The following NDC1 variants were observed in gnomAD, a reference collection of about 807,000 sequenced individuals.
The protein encoded by NDC1 is NDC1 transmembrane nucleoporin.
In NDC1, 24 loss-of-function variants were observed where a neutral mutation model predicts 89.8. The observed-to-expected ratio is 0.27, with a 90% confidence interval of 0.19 to 0.38. The LOEUF (loss-of-function observed/expected upper bound fraction) is 0.38, where lower values mean the gene tolerates loss of function less well. NDC1 is among the 10% of genes least tolerant of loss of function. The probability of loss-of-function intolerance (pLI) is 1.00; values close to 1 mark genes in which losing one functional copy is unlikely to be tolerated. For synonymous variants in NDC1, 296 were observed against 284.8 expected, an observed-to-expected ratio of 1.04 and a Z score of -0.39; for missense variants, 728 against 797.6, an observed-to-expected ratio of 0.91 and a Z score of 1.05.
intron 16 of NDC1, among the ~76,000 whole-genome samples, chr1:53,779,629 G>A (rs2100627557): frequency 6.6e-6 from 1 of 152,192 alleles, no homozygotes; most frequent in South Asian, 2.1e-4. Context: ...GAAGGACTTG[G>A]GGTCCAAAAC....
chr1:53,800,912 G>C (rs1229170505), intron 10 of NDC1, 64 bp from the exon 11 acceptor site: 1 of 1,463,690 alleles, frequency 6.8e-7, no homozygotes, highest in African/African-American at 1.4e-5. Flanking sequence ...TTGAAGTGGG[G>C]GAAAAAGTCA....
chr1:53,809,317 G>C (rs984168099), intron 7 of NDC1, among the ~76,000 whole-genome samples: 3 of 152,172 alleles, frequency 2.0e-5, no homozygotes, highest in African/African-American at 7.2e-5. Context: ...GGTGAGTGGA[G>C]ACAGAGGAGG....
intron 7 of NDC1, among the ~76,000 whole-genome samples, chr1:53,809,146 C>T (rs1379483465): frequency 6.6e-6 from 1 of 152,084 alleles, no homozygotes; most frequent in Non-Finnish European, 1.5e-5. Context: ...TAGAATAATG[C>T]CACAGCATTG....
intron 10 of NDC1, among the ~76,000 whole-genome samples, chr1:53,801,540 T>C (rs946932823): frequency 6.6e-6 from 1 of 152,232 alleles, no homozygotes; most frequent in Non-Finnish European, 1.5e-5. Context: ...TATGCGTTAA[T>C]AGCAGAGAAG....
intron 9 of NDC1, among the ~76,000 whole-genome samples, chr1:53,806,091 A>C (rs1419824666): frequency 6.6e-6 from 1 of 152,134 alleles, no homozygotes; most frequent in East Asian, 1.9e-4. Context: ...AAAAATCAAT[A>C]ATATTTTGTT....
chr1:53,804,021 A>C lies in NDC1; in HGVS notation c.985-12T>G. The C allele has an allele frequency of 6.3e-7, 1 of 1,592,980 alleles. No homozygotes were observed. Among genetic ancestry groups the C allele is most frequent in the Non-Finnish European group, 8.6e-7 (1 of 1,162,226 alleles). On this transcript the variant is annotated splice_polypyrimidine_tract_variant and intron_variant, in intron 9 of 17. Transcript: ENST00000371429. ...TGCAAGGCTAAATACTAACAGGGGG[A>C]AAAAACACATATTATTTAATTTTTT... is the stretch of plus-strand genomic sequence containing the variant.
At chr1:53,838,124 C>T (rs1165141731) in intron 1 of NDC1, 81 bp downstream of exon 1, 2 of 1,358,340 alleles carry the variant, frequency 1.5e-6, no homozygotes, top group Admixed American at 2.1e-5. Flanking sequence ...GGCCCTCCCC[C>T]GCCCAGCGCG....
At chr1:53,778,260 TACACACACACAC>T (rs202023880) in intron 16 of NDC1, among the ~76,000 whole-genome samples, 18 of 144,782 alleles carry the variant, frequency 1.2e-4, no homozygotes, top group South Asian at 1.1e-3. Flanking sequence ...TGTGTGTATA[TACACACACACAC>T]ACACACACAC....
chr1:53,779,576 C>T (rs558614063), intron 16 of NDC1, among the ~76,000 whole-genome samples: 3 of 152,272 alleles, frequency 2.0e-5, no homozygotes, highest in Admixed American at 1.3e-4. Context: ...AAATGCAAAA[C>T]TCTGCCAAGC....
At chr1:53,837,448 C>T (rs979910848) in intron 1 of NDC1, among the ~76,000 whole-genome samples, 4 of 152,114 alleles carry the variant, frequency 2.6e-5, no homozygotes, top group Non-Finnish European at 5.9e-5. Context: ...TGGTGCGTAT[C>T]TATAATCCCC....
chr1:53,812,780 G>C (rs558133811), intron 6 of NDC1, among the ~76,000 whole-genome samples: 1 of 152,182 alleles, frequency 6.6e-6, no homozygotes, highest in African/African-American at 2.4e-5. Context: ...ATCACAAAAA[G>C]ATCTTTGCCT....
chr1:53,816,552 C>T (rs933172326), intron 6 of NDC1, among the ~76,000 whole-genome samples: 1 of 151,370 alleles, frequency 6.6e-6, no homozygotes, highest in African/African-American at 2.4e-5. Flanking sequence ...AAGGATTTCA[C>T]GACCAAAAGC....
intron 7 of NDC1, 52 bp from the exon 8 acceptor site, chr1:53,807,843 A>G (rs1648165676): frequency 2.6e-6 from 4 of 1,526,954 alleles, no homozygotes; most frequent in Non-Finnish European, 3.5e-6. Flanking sequence ...CAATCTAAAT[A>G]TTAACACACT....
intron 5 of NDC1, among the ~76,000 whole-genome samples, chr1:53,820,898 G>A (rs1377995494): frequency 2.0e-5 from 3 of 151,150 alleles, no homozygotes; most frequent in Admixed American, 1.3e-4. Flanking sequence ...TAGAGATGGG[G>A]TTTTGCCATA....
At chr1:53,803,419 C>T (rs1647989620) in intron 10 of NDC1, among the ~76,000 whole-genome samples, 1 of 151,696 alleles carries the variant, frequency 6.6e-6, no homozygotes. Flanking sequence ...TGTCAGTGTA[C>T]TAAATAATTT....
At chr1:53,769,087 G>A (rs1647090512) in intron 17 of NDC1, among the ~76,000 whole-genome samples, 2 of 152,198 alleles carry the variant, frequency 1.3e-5, no homozygotes, top group South Asian at 4.1e-4. Flanking sequence ...TGAGGCAGGA[G>A]AACTGCTTGA....
intron 14 of NDC1, 117 bp downstream of exon 14, chr1:53,793,112 G>T: frequency 2.3e-6 from 2 of 885,170 alleles, no homozygotes; most frequent in Non-Finnish European, 3.7e-6. Context: ...ATGCAAAGCT[G>T]CCTAGCTTGC....
intron 17 of NDC1, among the ~76,000 whole-genome samples, 167 bp downstream of exon 17, chr1:53,772,162 T>G (rs1378271262): frequency 6.6e-6 from 1 of 152,148 alleles, no homozygotes; most frequent in East Asian, 1.9e-4. Flanking sequence ...TGGGCCAAAT[T>G]TTAAAATATA....
At chr1:53,820,701 CTTTTTTTTTTTTTTT>C (rs927514677) in intron 5 of NDC1, among the ~76,000 whole-genome samples, 4 of 74,880 alleles carry the variant, frequency 5.3e-5, no homozygotes, top group African/African-American at 2.2e-4. Context: ...ACTTCTCTCT[CTTTTTTTTTTTTTTT>C]TTTTTTTTTT....
Sources: gnomAD v4.1 joint callset for allele counts (sites outside exome capture counted in the v4.1 genomes callset) on GRCh38, gnomAD v4.1.1 for gene constraint, MANE v1.5 for transcripts, NCBI Gene and HGNC (gene_info 2026-07-23, HGNC 2026-07-21) for gene names.